CNNM2: variants seen among roughly 807,000 people sequenced by gnomAD.
CNNM2 encodes metal transporter CNNM2.
In CNNM2, 12 loss-of-function variants were observed where a neutral mutation model predicts 66.9. That is an observed-to-expected ratio of 0.18 (90% CI 0.11 to 0.29). CNNM2 has a LOEUF of 0.29. CNNM2 is among the 10% of genes least tolerant of loss of function. CNNM2 has a pLI of 1.00. For missense variants in CNNM2, 705 were observed against 1,167.7 expected (o/e 0.60, Z 5.77); for synonymous variants, 557 against 501.8 (o/e 1.11, Z -1.47).
intron 1 of CNNM2, among the ~76,000 whole-genome samples, chr10:103,012,047 C>CT (rs2064353577): frequency 6.6e-6 from 1 of 152,050 alleles, no homozygotes; most frequent in Non-Finnish European, 1.5e-5. Context: ...CTTCCCCTTG[C>CT]TATCAGATCA....
rs752337072 is a variant in CNNM2, at chr10:102,920,010, C to A, written c.1530C>A (p.Pro510=). The change falls in exon 1 of 8, where the codon CCC becomes CCA. Residue 510 remains proline (P), a synonymous_variant. Transcript: ENST00000369878. Reference sequence around the variant, plus strand: ...TCGTGGATCCCGATGACTGTACCCCCCTGAAAACCATCACCAAATTTTATA... The same window carrying A: ...TCGTGGATCCCGATGACTGTACCCCACTGAAAACCATCACCAAATTTTATA... ...LAFVDPDDCT[P]LKTITKFYNH... 1 of 1,614,224 alleles carries A rather than the reference C, an allele frequency of 6.2e-7. No individual in the cohort carries two copies. The highest frequency in any genetic ancestry group is 8.5e-7 in the Non-Finnish European group (1 of 1,180,038).
At chr10:103,058,555 G>A (rs140691350) in intron 4 of CNNM2, among the ~76,000 whole-genome samples, 259 of 152,286 alleles carry the variant, frequency 1.7e-3, no homozygotes, top group African/African-American at 5.0e-3. Context: ...TTATGGAAAA[G>A]GGACTTCATA....
chr10:102,925,252 C>T (rs1357464290), intron 1 of CNNM2, among the ~76,000 whole-genome samples: 4 of 130,448 alleles, frequency 3.1e-5, no homozygotes, highest in Non-Finnish European at 4.6e-5. Flanking sequence ...ACTGAGATCG[C>T]ACCATTGCAT....
chr10:102,956,521 G>A (rs1847043391), intron 1 of CNNM2, among the ~76,000 whole-genome samples: 1 of 152,116 alleles, frequency 6.6e-6, no homozygotes, highest in South Asian at 2.1e-4. Context: ...ACGTGCACAC[G>A]TATGTTTATT....
rs903239108 is a variant in CNNM2 at position 103,084,879 on chromosome 10, G to A, written c.*7699G>A. 9 of 152,146 alleles carry A rather than the reference G, an allele frequency of 5.9e-5. No individual in the cohort carries two copies. Among genetic ancestry groups the A allele is most frequent in the Admixed American group, 5.2e-4 (8 of 15,272 alleles). 9.4% of individuals were successfully genotyped at this position (152,146 alleles called of 1,614,324 possible). ...TCTGGAAACTTATTTTATACTTTTT[G>A]AAGGTAATTTAAAAGAGATGATTCT... On this transcript the variant is annotated 3_prime_UTR_variant, in exon 8 of 8. Coordinates refer to ENST00000369878, the MANE Select transcript of CNNM2 (RefSeq NM_017649.5).
rs114209528 is a variant in CNNM2, at chr10:103,040,829, C to T, written c.1622-8878C>T. ...CTCTGGCTTATGTAATTGTTCCTCC[C>T]GTGACATAGTTTGTATATCGTACAG... is the stretch of plus-strand genomic sequence containing the variant. On this transcript the variant is annotated intron_variant, in intron 1 of 7. Coordinates refer to ENST00000369878, the MANE Select transcript of CNNM2 (RefSeq NM_017649.5). Among the ~76,000 whole-genome samples the T allele has an allele frequency of 2.2e-3, 339 of 152,282 alleles. 4 individuals carry two copies. The highest frequency in any genetic ancestry group is 7.7e-3 in the African/African-American group (321 of 41,558).
In CNNM2 at chr10:103,081,650, C is replaced by T. The variant is rs569772664; in HGVS notation, c.*4470C>T. On this transcript the variant is annotated 3_prime_UTR_variant, in exon 8 of 8. Transcript: ENST00000369878. ...TGAGGGGTGAGTGGTGCACCAATAG[C>T]TTGCTGCTGTTACTTAGCAAGGCTG... 1 of 152,348 alleles carries T rather than the reference C, an allele frequency of 6.6e-6. No homozygotes were observed. Among genetic ancestry groups the T allele is most frequent in the Admixed American group, 6.5e-5 (1 of 15,300 alleles). The allele number at this position is 152,348 out of a possible 1,614,324, so 9.4% of individuals were successfully genotyped here. A position where few individuals can be genotyped will look rare whatever the true frequency, so the allele number is the denominator to read the frequency against.
chr10:102,923,960 A>ATT (rs1845752814), intron 1 of CNNM2, among the ~76,000 whole-genome samples: 1 of 152,112 alleles, frequency 6.6e-6, no homozygotes, highest in African/African-American at 2.4e-5. Flanking sequence ...CTTGGTTTTT[A>ATT]TTTACATTTT....
chr10:103,089,114 A>G lies in CNNM2; in HGVS notation c.*11934A>G, dbSNP rs1273899022. On this transcript the variant is annotated 3_prime_UTR_variant, in exon 8 of 8. Coordinates refer to ENST00000369878, the MANE Select transcript of CNNM2 (RefSeq NM_017649.5). ...GTAGAGCATACTTCTGTGCAAAGCC[A>G]GTGATAGAGAAGCAGCCTTGCCAGA... 1 of 227,280 alleles carries G rather than the reference A, an allele frequency of 4.4e-6. No homozygotes were observed. The highest frequency in any genetic ancestry group is 2.2e-5 in the African/African-American group (1 of 45,078). The allele number at this position is 227,280 out of a possible 1,614,324, so 14.1% of individuals were successfully genotyped here.
intron 1 of CNNM2, among the ~76,000 whole-genome samples, chr10:102,989,337 A>G (rs1590356440): frequency 6.6e-6 from 1 of 152,206 alleles, no homozygotes; most frequent in Non-Finnish European, 1.5e-5. Context: ...AATTCTGTCT[A>G]AAGACTTAGC....
At position 103,052,798 on chromosome 10, in the gene CNNM2, C is replaced by CCG. The variant is rs1424096041; in HGVS notation, c.1766-1530_1766-1529dup. On this transcript the variant is annotated intron_variant, in intron 2 of 7. Transcript: ENST00000369878. Reference sequence around the variant, plus strand: ...CAAAGTGCTGGGATTATAGGCGTCACCGTGCCTGGCCGATTTCAGGTATAT... The same window carrying CCG: ...CAAAGTGCTGGGATTATAGGCGTCACCGCGTGCCTGGCCGATTTCAGGTATAT... 2.6e-5 allele frequency among the ~76,000 whole-genome samples: 4 copies of CCG among 152,192 alleles called. No individual in the cohort carries two copies. In the East Asian group the frequency reaches 7.7e-4, roughly 29 times the overall value.
chr10:103,035,412 A>C (rs1210248844), intron 1 of CNNM2, among the ~76,000 whole-genome samples: 5 of 152,200 alleles, frequency 3.3e-5, no homozygotes, highest in Admixed American at 3.3e-4. Flanking sequence ...ATGAGTGTAC[A>C]GTGAGTGTTA....
chr10:103,073,036 C>T (rs370837193), intron 6 of CNNM2, among the ~76,000 whole-genome samples: 1 of 152,212 alleles, frequency 6.6e-6, no homozygotes, highest in African/African-American at 2.4e-5. Flanking sequence ...AGTAAGATGG[C>T]ACTTGAGGCT....
intron 1 of CNNM2, among the ~76,000 whole-genome samples, chr10:103,005,194 C>A (rs11191501): frequency 1.3e-5 from 2 of 151,866 alleles, no homozygotes; most frequent in Admixed American, 6.6e-5. Flanking sequence ...GATTACAGAC[C>A]TGAGCCACTG....
At chr10:103,023,258 C>T (rs762359274) in intron 1 of CNNM2, among the ~76,000 whole-genome samples, 1 of 152,158 alleles carries the variant, frequency 6.6e-6, no homozygotes, top group Non-Finnish European at 1.5e-5. Flanking sequence ...AGCAAGAACT[C>T]GCCCAACACT....
intron 1 of CNNM2, among the ~76,000 whole-genome samples, chr10:102,985,293 GTCC>G (rs1245157663): frequency 6.6e-6 from 1 of 151,884 alleles, no homozygotes; most frequent in Admixed American, 6.6e-5. Flanking sequence ...GTAATTAGCA[GTCC>G]TCCTCTGTAT....
At position 102,999,274 on chromosome 10, in the gene CNNM2, G is replaced by T. The variant is rs1251383722; in HGVS notation, c.1622-50433G>T. On this transcript the variant is annotated intron_variant, in intron 1 of 7. Coordinates refer to ENST00000369878, the MANE Select transcript of CNNM2 (RefSeq NM_017649.5). ...TTTTTTTGTATTTTTAGTAGAGATG[G>T]GGTTTCACCAGGTTAGCCAGGATGG... 6.1e-5 allele frequency among the ~76,000 whole-genome samples: 9 copies of T among 146,716 alleles called. No homozygotes were observed. In the Admixed American group the frequency reaches 6.3e-4, roughly 10 times the overall value.
intron 1 of CNNM2, among the ~76,000 whole-genome samples, chr10:102,954,996 A>G (rs1032906229): frequency 6.6e-6 from 1 of 152,220 alleles, no homozygotes; most frequent in Non-Finnish European, 1.5e-5. Flanking sequence ...TCAAGCTACC[A>G]ATGACTTTCT....
chr10:103,071,207 A>G (rs2065574702), intron 5 of CNNM2, among the ~76,000 whole-genome samples: 1 of 152,176 alleles, frequency 6.6e-6, no homozygotes, highest in East Asian at 1.9e-4. Context: ...GCAGTGAGTA[A>G]GTGGTGATGA....
Sources: gnomAD v4.1 joint callset for allele counts (sites outside exome capture counted in the v4.1 genomes callset) on GRCh38, gnomAD v4.1.1 for gene constraint, MANE v1.5 for transcripts, NCBI Gene and HGNC (gene_info 2026-07-23, HGNC 2026-07-21) for gene names.